The following RBFOX1 variants were observed in gnomAD, a reference collection of about 807,000 sequenced individuals.
RBFOX1 encodes the protein RNA binding fox-1 homolog 1, also known as RNA binding protein fox-1 homolog 1.
RBFOX1 carries 8 observed loss-of-function variants against 57.7 expected under a neutral mutation model. The observed-to-expected ratio is 0.14, with a 90% CI of 0.08 to 0.25. The LOEUF is 0.25. Ranked by LOEUF, RBFOX1 falls within the 10% of genes least tolerant of loss-of-function variation. RBFOX1 has a pLI of 1.00. For missense variants in RBFOX1, 611 were observed against 548.5 expected, an observed-to-expected ratio of 1.11 and a Z score of -1.14; for synonymous variants, 326 against 222.4, an observed-to-expected ratio of 1.47 and a Z score of -4.15.
At chr16:6,868,143 A>T (rs2142999745) in intron 3 of RBFOX1, among the ~76,000 whole-genome samples, 1 of 152,368 alleles carries the variant, frequency 6.6e-6, no homozygotes, top group East Asian at 1.9e-4. Context: ...ATTTGAAATT[A>T]GCAAATAATT....
intron 2 of RBFOX1, among the ~76,000 whole-genome samples, chr16:6,550,143 T>C (rs2096963599): frequency 6.6e-6 from 1 of 152,004 alleles, no homozygotes; most frequent in African/African-American, 2.4e-5. Context: ...CCCTCCCCTC[T>C]CTCTATCTCT....
chr16:6,948,102 C>T (rs546220599), intron 3 of RBFOX1, among the ~76,000 whole-genome samples: 80 of 152,066 alleles, frequency 5.3e-4, no homozygotes, highest in African/African-American at 1.8e-3. Flanking sequence ...TTTTCTTCTG[C>T]GGTTTGAGAA....
At chr16:6,894,149 A>C (rs1350156972) in intron 3 of RBFOX1, among the ~76,000 whole-genome samples, 1 of 152,222 alleles carries the variant, frequency 6.6e-6, no homozygotes, top group South Asian at 2.1e-4. Context: ...AATGATCTAT[A>C]ATTGCTACCT....
intron 2 of RBFOX1, among the ~76,000 whole-genome samples, chr16:6,542,120 A>G (rs971057989): frequency 2.6e-5 from 4 of 151,900 alleles, no homozygotes; most frequent in South Asian, 2.1e-4. Context: ...GAGACAGGCT[A>G]TTGCTATGTT....
At chr16:5,247,742 G>T (rs1294129112) in intron 1 of RBFOX1, among the ~76,000 whole-genome samples, 11 of 151,650 alleles carry the variant, frequency 7.3e-5, no homozygotes, top group Non-Finnish European at 1.5e-4. Context: ...TCTGGCCCTC[G>T]AGAGAAACAA....
intron 1 of RBFOX1, among the ~76,000 whole-genome samples, chr16:6,285,811 G>C (rs932756359): frequency 6.6e-6 from 1 of 152,114 alleles, no homozygotes; most frequent in Non-Finnish European, 1.5e-5. Context: ...AGTTGCAGTG[G>C]AGACATCGGA....
At chr16:7,426,367 T>G (rs1274941047) in intron 4 of RBFOX1, among the ~76,000 whole-genome samples, 2 of 152,132 alleles carry the variant, frequency 1.3e-5, no homozygotes, top group Non-Finnish European at 2.9e-5. Flanking sequence ...AACACCCAGC[T>G]CTGGGGGCAC....
intron 4 of RBFOX1, among the ~76,000 whole-genome samples, chr16:7,277,870 G>C (rs962502635): frequency 1.3e-5 from 2 of 151,130 alleles, no homozygotes; most frequent in Admixed American, 6.6e-5. Context: ...AGCTCTTCTA[G>C]AGACATTCTT....
At chr16:6,013,285 A>G (rs535766051) in intron 4 of RBFOX1, among the ~76,000 whole-genome samples, 2 of 152,234 alleles carry the variant, frequency 1.3e-5, no homozygotes, top group African/African-American at 2.4e-5. Flanking sequence ...AATCAAAGAC[A>G]CAGCTTAGTT....
At chr16:7,158,952 A>G (rs541013510) in intron 4 of RBFOX1, among the ~76,000 whole-genome samples, 1 of 152,202 alleles carries the variant, frequency 6.6e-6, no homozygotes, top group Admixed American at 6.5e-5. Context: ...TGTGGCCACC[A>G]ACACAGTGAA....
intron 3 of RBFOX1, among the ~76,000 whole-genome samples, chr16:6,971,061 G>C (rs951846562): frequency 2.6e-5 from 4 of 152,306 alleles, no homozygotes; most frequent in Middle Eastern, 3.4e-3. Context: ...AAGACATAAT[G>C]ATGAAAAGGA....
chr16:7,105,364 G>A (rs1452512548), intron 4 of RBFOX1, among the ~76,000 whole-genome samples: 3 of 151,638 alleles, frequency 2.0e-5, no homozygotes, highest in Non-Finnish European at 4.4e-5. Context: ...CGGGGAACGG[G>A]TGGTGTTTGG....
At chr16:6,796,835 G>T (rs2084175243) in intron 3 of RBFOX1, among the ~76,000 whole-genome samples, 1 of 152,088 alleles carries the variant, frequency 6.6e-6, no homozygotes, top group African/African-American at 2.4e-5. Context: ...ATAAATTTTG[G>T]GAATGATAGA....
At chr16:6,433,643 G>A (rs556380543) in intron 2 of RBFOX1, among the ~76,000 whole-genome samples, 1 of 152,190 alleles carries the variant, frequency 6.6e-6, no homozygotes, top group South Asian at 2.1e-4. Context: ...GAGTTTTAGG[G>A]GGATAAAATC....
intron 3 of RBFOX1, among the ~76,000 whole-genome samples, chr16:6,784,731 A>T (rs2154240676): frequency 6.6e-6 from 1 of 151,542 alleles, no homozygotes; most frequent in Non-Finnish European, 1.5e-5. Context: ...TTGTGTGGAT[A>T]GTTGTTCAAT....
chr16:5,683,864 C>G (rs2050422820), intron 3 of RBFOX1, among the ~76,000 whole-genome samples: 1 of 149,512 alleles, frequency 6.7e-6, no homozygotes, highest in Admixed American at 6.7e-5. Flanking sequence ...ATACAGATAC[C>G]TATATGTATG....
At chr16:7,044,187 A>G (rs972663069) in intron 3 of RBFOX1, among the ~76,000 whole-genome samples, 1 of 152,056 alleles carries the variant, frequency 6.6e-6, no homozygotes. Flanking sequence ...ATGTGTGGGT[A>G]TGGGTGTGTA....
chr16:7,712,023 A>G lies in RBFOX1; in HGVS notation c.*1278A>G, dbSNP rs1238488518. 6.6e-6 allele frequency: 1 copy of G among 152,154 alleles called. No individual in the cohort carries two copies. 9.4% of individuals were successfully genotyped at this position (152,154 alleles called of 1,614,324 possible). On this transcript the variant is annotated 3_prime_UTR_variant, in exon 16 of 16. Transcript: ENST00000550418. ...AAGGCCCAGGACACTTGTCAGAAGGATGCAAAAAAAGAAAAAAGTACATCC... is the reference window on the plus strand; with the variant it reads ...AAGGCCCAGGACACTTGTCAGAAGGGTGCAAAAAAAGAAAAAAGTACATCC...
chr16:7,569,753 C>A (rs1376408829), intron 5 of RBFOX1, among the ~76,000 whole-genome samples: 1 of 152,038 alleles, frequency 6.6e-6, no homozygotes, highest in Non-Finnish European at 1.5e-5. Context: ...CCTGTAATCC[C>A]AACATTTTGG....
Sources: allele counts gnomAD v4.1 joint callset (sites outside exome capture counted in the v4.1 genomes callset), GRCh38; gene constraint gnomAD v4.1.1; transcripts MANE v1.5; gene names NCBI Gene and HGNC (gene_info 2026-07-23, HGNC 2026-07-21).